FBLN2: variants seen among roughly 807,000 people sequenced by gnomAD.
FBLN2 encodes fibulin-2.
A neutral mutation model predicts 123.7 loss-of-function variants in FBLN2; 81 were observed. The observed-to-expected ratio is 0.65, with a 90% CI of 0.55 to 0.79. FBLN2 has a LOEUF of 0.79. Among genes scored for constraint, FBLN2 ranks in the 30% least tolerant of loss-of-function variants. The pLI is 0.00. For synonymous variants in FBLN2, 699 were observed against 701.4 expected (o/e 1.00, Z 0.05); for missense variants, 1,603 against 1,681.3 (o/e 0.95, Z 0.81).
At chr3:13,625,731 TCTC>T (rs2124902937) in intron 9 of FBLN2, among the ~76,000 whole-genome samples, 1 of 151,994 alleles carries the variant, frequency 6.6e-6, no homozygotes, top group South Asian at 2.1e-4. Context: ...AGCCACTGAA[TCTC>T]CTGCCTGGAT....
chr3:13,614,014 C>T lies in FBLN2; in HGVS notation c.1579C>T (p.Arg527Cys), dbSNP rs374038389. ...QCCDCCGLGLRVRAEGQSCES... is the reference protein window; with the variant it reads ...QCCDCCGLGLCVRAEGQSCES... ...CTGTGACTGCTGTGGCCTGGGCCTC[C>T]GCGTGCGGGCCGAGGGCCAGTCGTG... The change falls in exon 5 of 18, where the codon CGC becomes TGC. Residue 527 changes from arginine to cysteine, a missense_variant. Physicochemically the swap from Arg to Cys is radical, Grantham distance 180 (BLOSUM62 -3). Coordinates refer to ENST00000404922, the MANE Select transcript of FBLN2 (RefSeq NM_001004019.2). 1.7e-5 allele frequency: 28 copies of T among 1,612,950 alleles called. No individual in the cohort carries two copies. The African/African-American group carries it at 2.5e-4, about 15-fold the overall frequency.
In FBLN2 at chr3:13,609,542, A is replaced by T. The variant is rs1031043539; in HGVS notation, c.1448A>T (p.Tyr483Phe). Residue 483 changes from tyrosine (Y) to phenylalanine (F), a missense_variant, in exon 4 of 18, where the codon TAC becomes TTC. Physicochemically the swap from Tyr to Phe is conservative, Grantham distance 22. Coordinates refer to ENST00000404922, the MANE Select transcript of FBLN2 (RefSeq NM_001004019.2). Reference sequence around the variant, plus strand: ...GCCCAGAGGCACTGCTGTGTCTCCTACTTGCAGGAGAAGAGCTGCATGGCC... The same window carrying T: ...GCCCAGAGGCACTGCTGTGTCTCCTTCTTGCAGGAGAAGAGCTGCATGGCC... ...RTAQRHCCVS[Y>F]LQEKSCMAGV... 7.7e-5 allele frequency: 119 copies of T among 1,551,620 alleles called. No individual in the cohort carries two copies. Among genetic ancestry groups the T allele is most frequent in the Non-Finnish European group, 1.0e-4 (117 of 1,147,276 alleles).
At chr3:13,634,407 C>T (rs1706379714) in intron 16 of FBLN2, among the ~76,000 whole-genome samples, 1 of 152,254 alleles carries the variant, frequency 6.6e-6, no homozygotes, top group Admixed American at 6.5e-5. Flanking sequence ...TTGGTGAGGC[C>T]AGGCTGTAGC....
chr3:13,620,364 G>A (rs558355370), intron 8 of FBLN2, among the ~76,000 whole-genome samples: 69 of 152,324 alleles, frequency 4.5e-4, no homozygotes, highest in African/African-American at 1.3e-3. Context: ...AAGCAATGCC[G>A]GTTGTTTTAA....
intron 10 of FBLN2, among the ~76,000 whole-genome samples, chr3:13,627,553 A>G (rs1706090016): frequency 6.6e-6 from 1 of 152,198 alleles, no homozygotes; most frequent in Non-Finnish European, 1.5e-5. Context: ...TTGTCATGAC[A>G]TCTACTTCTT....
chr3:13,556,201 G>A (rs56753453), intron 1 of FBLN2, among the ~76,000 whole-genome samples: 1,734 of 152,280 alleles, frequency 0.011, 38 homozygotes, highest in African/African-American at 0.039. Context: ...GATTGAAGAT[G>A]GACATTTATT....
Position 13,613,974 on chromosome 3 carries a change from C to A in FBLN2, c.1549-10C>A. 6.2e-7 allele frequency: 1 copy of A among 1,609,676 alleles called. No homozygotes were observed. The highest frequency in any genetic ancestry group is 1.7e-4 in the Middle Eastern group (1 of 6,054). On this transcript the variant is annotated splice_polypyrimidine_tract_variant and intron_variant, in intron 4 of 17. Transcript: ENST00000404922. ...AGAGATTGGGCAGTGATAACTGTCT[C>A]TCCCTGCAGCAATGCTGTGACTGCT...
chr3:13,612,340 T>TTTCTTTCTTTCTTTCTTTCC (rs367582176), intron 4 of FBLN2, among the ~76,000 whole-genome samples: 1 of 62,318 alleles, frequency 1.6e-5, no homozygotes, highest in Non-Finnish European at 3.1e-5. Context: ...TCTTTCTTTC[T>TTTCTTTCTTTCTTTCTTTCC]TTTCTTTCTT....
At chr3:13,550,031 A>G (rs889940652) in intron 1 of FBLN2, among the ~76,000 whole-genome samples, 1 of 152,150 alleles carries the variant, frequency 6.6e-6, no homozygotes, top group East Asian at 1.9e-4. Context: ...TGTATCACAC[A>G]TGTGTCTCTC....
In FBLN2 at chr3:13,612,571, C is replaced by T. The variant is rs556310132; in HGVS notation, c.1549-1413C>T. 7.9e-5 allele frequency among the ~76,000 whole-genome samples: 12 copies of T among 151,878 alleles called. No individual in the cohort carries two copies. In the South Asian group the frequency reaches 8.3e-4, roughly 11 times the overall value. ...GATTTTTTTGTATTTTTAGTAGAGACGGGGTTTCACTGTTTTAGCCAGGAT... is the reference window on the plus strand; with the variant it reads ...GATTTTTTTGTATTTTTAGTAGAGATGGGGTTTCACTGTTTTAGCCAGGAT... On this transcript the variant is annotated intron_variant, in intron 4 of 17. Transcript: ENST00000404922.
intron 7 of FBLN2, 58 bp from the exon 8 acceptor site, chr3:13,619,672 C>A: frequency 7.0e-7 from 1 of 1,429,554 alleles, no homozygotes; most frequent in Non-Finnish European, 9.8e-7. Context: ...GGGGAATGAG[C>A]CAGTGTGGAC....
At chr3:13,567,237 G>T (rs1703775786) in intron 1 of FBLN2, among the ~76,000 whole-genome samples, 1 of 152,200 alleles carries the variant, frequency 6.6e-6, no homozygotes, top group South Asian at 2.1e-4. Context: ...TCTGGAAGAA[G>T]TTCTAGGACA....
chr3:13,570,111 G>A lies in FBLN2; in HGVS notation c.-41-204G>A, dbSNP rs138838506. ...CAGGTCAACACCTGTGGCGCCCAGC[G>A]ACTAGACACTCACCTGTGTGTGATC... is the stretch of plus-strand genomic sequence containing the variant. On this transcript the variant is annotated intron_variant, in intron 1 of 17. Transcript: ENST00000404922. Among the ~76,000 whole-genome samples, 106 of 152,266 alleles carry A rather than the reference G, an allele frequency of 7.0e-4. No individual in the cohort carries two copies. The East Asian group carries it at 0.018, about 25-fold the overall frequency.
Position 13,618,997 on chromosome 3 carries a change from C to T in FBLN2, c.2033C>T (p.Pro678Leu), listed in dbSNP as rs749311967. The change falls in exon 7 of 18, where the codon CCG becomes CTG. Residue 678 changes from proline (P) to leucine (L), a missense_variant. Transcript: ENST00000404922. Reference protein sequence around the residue: ...VASNTIPLPLPQPNTCKDNGP... With the variant: ...VASNTIPLPLLQPNTCKDNGP... ...TCTAACACCATCCCGCTGCCACTGC[C>T]GCAGCCCAATACCTGCAAAGGTAAG... The T allele has an allele frequency of 6.0e-5, 96 of 1,611,840 alleles. No individual in the cohort carries two copies. The highest frequency in any genetic ancestry group is 2.9e-4 in the South Asian group (26 of 90,406).
chr3:13,577,672 G>C (rs1474356033), intron 2 of FBLN2, among the ~76,000 whole-genome samples: 1 of 152,244 alleles, frequency 6.6e-6, no homozygotes, highest in Non-Finnish European at 1.5e-5. Flanking sequence ...GAGACCCAGA[G>C]CACAGCTGTG....
At chr3:13,558,135 C>T (rs558922785) in intron 1 of FBLN2, among the ~76,000 whole-genome samples, 13 of 152,320 alleles carry the variant, frequency 8.5e-5, no homozygotes, top group East Asian at 3.9e-4. Flanking sequence ...CTGGGCTGCC[C>T]GCTCCCCTGG....
At chr3:13,633,003 C>A (rs368001101) in intron 16 of FBLN2, among the ~76,000 whole-genome samples, 1 of 152,234 alleles carries the variant, frequency 6.6e-6, no homozygotes, top group African/African-American at 2.4e-5. Context: ...GTGGCCACTT[C>A]AAGGAAGCCC....
chr3:13,549,343 C>A, intron 1 of FBLN2, 135 bp downstream of exon 1: 2 of 472,864 alleles, frequency 4.2e-6, no homozygotes, highest in Non-Finnish European at 5.5e-6. Flanking sequence ...CCCGCGCCTC[C>A]ACCCGCGCCG....
At chr3:13,636,802 C>T (rs1399745797) in intron 17 of FBLN2, among the ~76,000 whole-genome samples, 1 of 152,246 alleles carries the variant, frequency 6.6e-6, no homozygotes, top group East Asian at 1.9e-4. Context: ...CTTCCTCATA[C>T]ACACACATGG....
Sources: gnomAD v4.1 joint callset for allele counts (sites outside exome capture counted in the v4.1 genomes callset) on GRCh38, gnomAD v4.1.1 for gene constraint, MANE v1.5 for transcripts, NCBI Gene and HGNC (gene_info 2026-07-23, HGNC 2026-07-21) for gene names.